COL21A1: variants seen among roughly 807,000 people sequenced by gnomAD.
COL21A1 encodes collagen type XXI alpha 1 chain, also known as collagen alpha-1(XXI) chain.
Under a neutral mutation model 137.9 loss-of-function variants are expected in COL21A1, and 149 were observed. The ratio of observed to expected loss-of-function variants is 1.08; its 90% CI spans 0.95 to 1.24. The LOEUF (loss-of-function observed/expected upper bound fraction) is 1.24, where lower values mean the gene tolerates loss of function less well. COL21A1 is among the 50% of genes most tolerant of loss of function. The pLI is 0.00. For synonymous variants in COL21A1, 456 were observed against 391.5 expected, an observed-to-expected ratio of 1.16 and a Z score of -1.95; for missense variants, 1,167 against 1,158.4, an observed-to-expected ratio of 1.01 and a Z score of -0.11.
chr6:56,110,142 A>G (rs1771292790), intron 16 of COL21A1, among the ~76,000 whole-genome samples: 1 of 151,994 alleles, frequency 6.6e-6, no homozygotes. Flanking sequence ...AAGATAACCA[A>G]TTGTGGTTTA....
At chr6:56,392,607 C>A (rs918525980) in intron 1 of COL21A1, among the ~76,000 whole-genome samples, 1 of 152,064 alleles carries the variant, frequency 6.6e-6, no homozygotes, top group African/African-American at 2.4e-5. Context: ...AAAGATGACA[C>A]CAAAACACTA....
At chr6:56,203,089 A>C (rs1173668329) in intron 1 of COL21A1, among the ~76,000 whole-genome samples, 1 of 152,174 alleles carries the variant, frequency 6.6e-6, no homozygotes, top group African/African-American at 2.4e-5. Flanking sequence ...AAATATTGTC[A>C]AAATATTTTA....
At chr6:56,133,622 G>T (rs540505865) in intron 12 of COL21A1, among the ~76,000 whole-genome samples, 49 of 152,196 alleles carry the variant, frequency 3.2e-4, no homozygotes, top group Non-Finnish European at 5.9e-4. Context: ...CATGTCAGAG[G>T]TCTTCATGGC....
chr6:56,365,668 A>G (rs1766081916), intron 1 of COL21A1, among the ~76,000 whole-genome samples: 1 of 152,178 alleles, frequency 6.6e-6, no homozygotes, highest in Non-Finnish European at 1.5e-5. Flanking sequence ...AGGCCTCCCA[A>G]AGTTATAAAA....
intron 1 of COL21A1, among the ~76,000 whole-genome samples, chr6:56,315,221 G>T (rs1208829200): frequency 6.6e-6 from 1 of 152,134 alleles, no homozygotes. Context: ...GCCCTGAGCG[G>T]GGTGACTGTG....
chr6:56,195,085 G>A lies in COL21A1; in HGVS notation c.-38-12429C>T, dbSNP rs554915933. On this transcript the variant is annotated intron_variant, in intron 1 of 29. Coordinates refer to ENST00000244728, the MANE Select transcript of COL21A1 (RefSeq NM_030820.4). ...CATGTGATGCCCTCTGCGGGCTTGTGACTCTGCAGAGAGTCCCCACAAGCA... is the reference window on the plus strand; with the variant it reads ...CATGTGATGCCCTCTGCGGGCTTGTAACTCTGCAGAGAGTCCCCACAAGCA... Among the ~76,000 whole-genome samples the A allele has an allele frequency of 3.3e-5, 5 of 152,314 alleles. No homozygotes were observed. In the South Asian group the frequency reaches 1.0e-3, roughly 32 times the overall value.
At chr6:56,080,280 A>G (rs765608616) in intron 17 of COL21A1, among the ~76,000 whole-genome samples, 36 of 151,886 alleles carry the variant, frequency 2.4e-4, no homozygotes, top group South Asian at 8.3e-4. Context: ...AAGTAAGAGT[A>G]AGTGGACATA....
intron 1 of COL21A1, among the ~76,000 whole-genome samples, chr6:56,354,872 T>A (rs1765796792): frequency 6.6e-6 from 1 of 152,034 alleles, no homozygotes; most frequent in South Asian, 2.1e-4. Flanking sequence ...ATAAATGAGA[T>A]GATATATACA....
At chr6:56,370,496 T>C (rs950674053) in intron 1 of COL21A1, among the ~76,000 whole-genome samples, 1 of 152,248 alleles carries the variant, frequency 6.6e-6, no homozygotes, top group African/African-American at 2.4e-5. Context: ...TGCACATGAT[T>C]AACACAGAAC....
intron 10 of COL21A1, among the ~76,000 whole-genome samples, chr6:56,149,121 G>C (rs1775080974): frequency 6.6e-6 from 1 of 152,052 alleles, no homozygotes; most frequent in South Asian, 2.1e-4. Flanking sequence ...TATTCCAGTT[G>C]AATTTCACTG....
chr6:56,368,791 G>A (rs922655484), intron 1 of COL21A1, among the ~76,000 whole-genome samples: 3 of 152,148 alleles, frequency 2.0e-5, no homozygotes, highest in Admixed American at 2.0e-4. Context: ...TCTCAGTGGT[G>A]CTGAGGAAGA....
intron 12 of COL21A1, among the ~76,000 whole-genome samples, chr6:56,131,364 G>T (rs534082285): frequency 6.6e-6 from 1 of 150,574 alleles, no homozygotes; most frequent in East Asian, 1.9e-4. Flanking sequence ...AAATATATGC[G>T]CTCACAAAAT....
chr6:56,343,337 C>T (rs572806161), intron 1 of COL21A1, among the ~76,000 whole-genome samples: 14 of 152,292 alleles, frequency 9.2e-5, no homozygotes, highest in Non-Finnish European at 2.1e-4. Context: ...GCTTTTCAGT[C>T]TAGTTTCATT....
At chr6:56,106,692 G>GA (rs930781784) in intron 16 of COL21A1, among the ~76,000 whole-genome samples, 2 of 150,694 alleles carry the variant, frequency 1.3e-5, no homozygotes, top group African/African-American at 4.9e-5. Context: ...AGAACAAAAA[G>GA]AAAAAAATAA....
chr6:56,097,361 A>C (rs1769424496), intron 17 of COL21A1, among the ~76,000 whole-genome samples: 1 of 152,092 alleles, frequency 6.6e-6, no homozygotes, highest in Non-Finnish European at 1.5e-5. Context: ...TCTTTGCCTC[A>C]GCACCTTGTT....
intron 1 of COL21A1, among the ~76,000 whole-genome samples, chr6:56,259,589 A>C (rs1223261569): frequency 5.3e-5 from 8 of 152,214 alleles, no homozygotes; most frequent in Non-Finnish European, 1.0e-4. Flanking sequence ...ATGAGATTAG[A>C]TGTTCTTGCA....
chr6:56,314,515 T>C (rs552513269), intron 1 of COL21A1, among the ~76,000 whole-genome samples: 1 of 152,320 alleles, frequency 6.6e-6, no homozygotes, highest in Admixed American at 6.5e-5. Context: ...GGCTCAGTTC[T>C]AATGTAAATT....
At chr6:56,077,873 C>T in intron 17 of COL21A1, 1 of 368,476 alleles carries the variant, frequency 2.7e-6, no homozygotes, top group South Asian at 2.4e-5. Context: ...AATGATGTTT[C>T]ATTTGAACAC....
At chr6:56,122,018 C>T (rs939188759) in intron 16 of COL21A1, among the ~76,000 whole-genome samples, 3 of 151,998 alleles carry the variant, frequency 2.0e-5, no homozygotes, top group South Asian at 4.2e-4. Context: ...AGTGAACTGA[C>T]CTCAAAATGT....
Sources: allele counts gnomAD v4.1 joint callset (sites outside exome capture counted in the v4.1 genomes callset), GRCh38; gene constraint gnomAD v4.1.1; transcripts MANE v1.5; gene names NCBI Gene and HGNC (gene_info 2026-07-23, HGNC 2026-07-21).